The following CERS4 variants were observed in gnomAD, a reference collection of about 807,000 sequenced individuals.
CERS4 encodes LAG1 homolog, ceramide synthase 4.
A neutral mutation model predicts 51.8 loss-of-function variants in CERS4; 65 were observed. That is an observed-to-expected ratio of 1.26 (90% CI 1.03 to 1.54). CERS4 has a LOEUF of 1.54. Among genes scored for constraint, CERS4 ranks in the 40% most tolerant of loss-of-function variants. CERS4 has a pLI of 0.00. For missense variants in CERS4, 563 were observed against 500.4 expected (o/e 1.13, Z -1.19); for synonymous variants, 228 against 208.4 (o/e 1.09, Z -0.81).
At chr19:8,245,472 C>T (rs913996300) in intron 2 of CERS4, among the ~76,000 whole-genome samples, 2 of 151,946 alleles carry the variant, frequency 1.3e-5, no homozygotes, top group African/African-American at 4.8e-5. Flanking sequence ...TGGTCTCAAA[C>T]CCCTGGGTTC....
intron 2 of CERS4, chr19:8,238,668 T>C (rs1042826852): frequency 9.6e-6 from 8 of 833,316 alleles, no homozygotes; most frequent in Non-Finnish European, 1.2e-5. Context: ...TTGTAGGTTT[T>C]GAGGGGGCTG....
chr19:8,218,910 A>G (rs913079488), intron 2 of CERS4, among the ~76,000 whole-genome samples: 1 of 152,138 alleles, frequency 6.6e-6, no homozygotes, highest in African/African-American at 2.4e-5. Context: ...GATGGGTATC[A>G]AGATGGTGAC....
In CERS4 at chr19:8,227,465, T is replaced by G. The variant is rs377136508; in HGVS notation, c.-2+16603T>G. ...TTCTCATGCCTCAGCCTTCCAAGTA[T>G]CTGGGACTTACTTGGAAGTAAGCTG... is the stretch of plus-strand genomic sequence containing the variant. On this transcript the variant is annotated intron_variant, in intron 2 of 11. Coordinates refer to ENST00000251363, the MANE Select transcript of CERS4 (RefSeq NM_024552.3). 7.9e-5 allele frequency among the ~76,000 whole-genome samples: 12 copies of G among 151,912 alleles called. No homozygotes were observed. The East Asian group carries it at 2.2e-3, about 27-fold the overall frequency.
intron 2 of CERS4, among the ~76,000 whole-genome samples, chr19:8,214,017 C>T (rs1967187330): frequency 6.6e-6 from 1 of 152,008 alleles, no homozygotes; most frequent in Non-Finnish European, 1.5e-5. Flanking sequence ...AAGAGACCTT[C>T]CCCTCCCTGA....
At chr19:8,224,785 C>T (rs1967716031) in intron 2 of CERS4, among the ~76,000 whole-genome samples, 1 of 151,992 alleles carries the variant, frequency 6.6e-6, no homozygotes, top group African/African-American at 2.4e-5. Context: ...GAGGGACTGT[C>T]GCGGGAAAGA....
intron 2 of CERS4, among the ~76,000 whole-genome samples, chr19:8,244,824 C>T (rs1282139587): frequency 6.6e-6 from 1 of 152,040 alleles, no homozygotes; most frequent in Non-Finnish European, 1.5e-5. Flanking sequence ...AGCCACCACC[C>T]CCGGCTGCCC....
chr19:8,256,179 C>A, intron 6 of CERS4, 57 bp from the exon 7 acceptor site: 1 of 1,553,852 alleles, frequency 6.4e-7, no homozygotes, highest in East Asian at 2.3e-5. Context: ...GACCGCAGAC[C>A]CAGGGTGGGA....
intron 2 of CERS4, among the ~76,000 whole-genome samples, chr19:8,245,675 G>C (rs1265744600): frequency 6.6e-6 from 1 of 151,744 alleles, no homozygotes; most frequent in Non-Finnish European, 1.5e-5. Context: ...GAGTAGCTGG[G>C]ATTACAGGTG....
chr19:8,258,786 G>A (rs145253147), intron 10 of CERS4, among the ~76,000 whole-genome samples: 4 of 152,092 alleles, frequency 2.6e-5, no homozygotes, highest in East Asian at 1.9e-4. Context: ...AGGCTACAGC[G>A]AATCAAGATT....
At chr19:8,253,202 G>C (rs1052872532) in intron 3 of CERS4, among the ~76,000 whole-genome samples, 1 of 152,218 alleles carries the variant, frequency 6.6e-6, no homozygotes, top group Non-Finnish European at 1.5e-5. Flanking sequence ...CCATTGACCA[G>C]GGTCCCTGAT....
At chr19:8,211,890 C>CAAA (rs57231018) in intron 2 of CERS4, among the ~76,000 whole-genome samples, 27 of 75,514 alleles carry the variant, frequency 3.6e-4, no homozygotes, top group African/African-American at 1.3e-3. Context: ...AGACTATCTC[C>CAAA]AAAAAAAAAA....
At chr19:8,232,594 G>C (rs1968061809) in intron 2 of CERS4, among the ~76,000 whole-genome samples, 3 of 151,938 alleles carry the variant, frequency 2.0e-5, no homozygotes. Flanking sequence ...GCCCGGCCTA[G>C]AATTTTCTAC....
chr19:8,250,949 C>A, intron 2 of CERS4, 127 bp from the exon 3 acceptor site: 1 of 1,471,150 alleles, frequency 6.8e-7, no homozygotes, highest in South Asian at 1.5e-5. Context: ...TCCAGTCCTG[C>A]CTCCTGGTTG....
intron 10 of CERS4, 21 bp from the exon 11 acceptor site, chr19:8,261,667 C>T: frequency 1.2e-6 from 2 of 1,613,522 alleles, no homozygotes; most frequent in South Asian, 1.1e-5. Flanking sequence ...CCCCAGCCTC[C>T]TCCTCTCCCC....
At chr19:8,234,450 C>T (rs1005289594) in intron 2 of CERS4, among the ~76,000 whole-genome samples, 6 of 151,962 alleles carry the variant, frequency 3.9e-5, no homozygotes, top group Non-Finnish European at 8.8e-5. Flanking sequence ...CCCCCAGCTT[C>T]CAGAACCTTT....
intron 2 of CERS4, among the ~76,000 whole-genome samples, chr19:8,231,851 A>ATTTTTTTTTTTTTTTTTTTTTTTTTTTTT (rs3042169): frequency 8.6e-5 from 9 of 104,406 alleles, no homozygotes; most frequent in East Asian, 5.1e-4. Context: ...TGTGCCCAGC[A>ATTTTTTTTTTTTTTTTTTTTTTTTTTTTT]TTTTTTTTTT....
Position 8,254,545 on chromosome 19 carries a change from A to G in CERS4, c.220A>G (p.Thr74Ala). 1 of 1,613,672 alleles carries G rather than the reference A, an allele frequency of 6.2e-7. No homozygotes were observed. Among genetic ancestry groups the G allele is most frequent in the Non-Finnish European group, 8.5e-7 (1 of 1,179,926 alleles). The change falls in exon 4 of 12, where the codon ACC (threonine) becomes GCC (alanine). Residue 74 changes from threonine (T) to alanine (A), a missense_variant. Thr to Ala is a moderately conservative substitution (Grantham distance 58). Coordinates refer to ENST00000251363, the MANE Select transcript of CERS4 (RefSeq NM_024552.3). ...LSRWLGVRDQ[T>A]RRQVKPNATL... is the part of the protein sequence containing the mutation. ...CCGGTGGCTGGGTGTGAGGGATCAGACCAGGAGGCAAGTGAAGCCCAACGC... is the reference window on the plus strand; with the variant it reads ...CCGGTGGCTGGGTGTGAGGGATCAGGCCAGGAGGCAAGTGAAGCCCAACGC...
chr19:8,257,664 A>G (rs1969467075), intron 9 of CERS4, among the ~76,000 whole-genome samples: 1 of 152,148 alleles, frequency 6.6e-6, no homozygotes, highest in South Asian at 2.1e-4. Flanking sequence ...TCCTGACCTC[A>G]GGTGATCTGC....
intron 2 of CERS4, among the ~76,000 whole-genome samples, chr19:8,244,315 C>T (rs764008919): frequency 1.4e-4 from 22 of 152,184 alleles, no homozygotes; most frequent in Admixed American, 2.6e-4. Context: ...ATGATTGCAC[C>T]GCTGCATTCC....
Sources: allele counts gnomAD v4.1 joint callset (sites outside exome capture counted in the v4.1 genomes callset), GRCh38; gene constraint gnomAD v4.1.1; transcripts MANE v1.5; gene names NCBI Gene and HGNC (gene_info 2026-07-23, HGNC 2026-07-21).